The following STAG2 variants were observed in gnomAD, a reference collection of about 807,000 sequenced individuals.
The protein encoded by STAG2 is cohesin subunit SA-2.
STAG2 carries 14 observed loss-of-function variants against 108.1 expected under a neutral mutation model. The observed-to-expected ratio is 0.13, with a 90% CI of 0.09 to 0.20. The LOEUF (loss-of-function observed/expected upper bound fraction) is 0.20. Among genes scored for constraint, STAG2 ranks in the 10% least tolerant of loss-of-function variants. STAG2 has a pLI of 1.00. For missense variants in STAG2, 440 were observed against 940.9 expected (o/e 0.47, Z 6.96); for synonymous variants, 307 against 302.7 (o/e 1.01, Z -0.15).
intron 1 of STAG2, among the ~76,000 whole-genome samples, chrX:124,002,405 C>T (rs190343429): frequency 8.6e-4 from 96 of 111,835 alleles, no homozygotes; most frequent in African/African-American, 2.9e-3. Context: ...GGGAGCATTG[C>T]TTGCACTCGG....
At position 124,061,361 on chromosome X, in the gene STAG2, A is replaced by G. The variant is rs1016062820; in HGVS notation, c.1534+20A>G. ...AGGAAGGTAAGGATGTTTAATTATG[A>G]TATTTTTGTTTAGACAGTTTTGTAA... On this transcript the variant is annotated intron_variant, in intron 16 of 34. Coordinates refer to ENST00000371145, the MANE Select transcript of STAG2 (RefSeq NM_001042750.2). The G allele has an allele frequency of 3.6e-6, 4 of 1,111,046 alleles. No homozygotes were observed. In the African/African-American group the frequency reaches 7.3e-5, roughly 20 times the overall value. The allele number at this position is 1,111,046 out of a possible 1,213,427, so 91.6% of individuals were successfully genotyped here.
At chrX:123,985,449 A>G (rs2055123347) in intron 1 of STAG2, among the ~76,000 whole-genome samples, 1 of 111,399 alleles carries the variant, frequency 9.0e-6, no homozygotes, top group African/African-American at 3.3e-5. Flanking sequence ...CAGGCTGGTC[A>G]TTATGTGCTT....
chrX:124,016,315 G>A (rs1174119303), intron 1 of STAG2, among the ~76,000 whole-genome samples: 3 of 110,961 alleles, frequency 2.7e-5, no homozygotes, highest in Non-Finnish European at 3.8e-5. Context: ...AGTAGTTCAC[G>A]TTTTAACAGA....
At chrX:124,079,041 G>T (rs1234537521) in intron 27 of STAG2, among the ~76,000 whole-genome samples, 1 of 110,766 alleles carries the variant, frequency 9.0e-6, no homozygotes, top group Non-Finnish European at 1.9e-5. Flanking sequence ...TAAAATTACT[G>T]ACTTAGTATA....
At chrX:123,976,606 A>G (rs1283972457) in intron 1 of STAG2, among the ~76,000 whole-genome samples, 1 of 111,840 alleles carries the variant, frequency 8.9e-6, no homozygotes, top group African/African-American at 3.3e-5. Context: ...GAAGAAAAAT[A>G]GTTTCCCATA....
At chrX:124,039,570 C>A (rs2057635540) in intron 6 of STAG2, among the ~76,000 whole-genome samples, 1 of 109,957 alleles carries the variant, frequency 9.1e-6, no homozygotes, top group Admixed American at 9.7e-5. Flanking sequence ...CATGAGCCAC[C>A]TTCCTGGCAT....
At chrX:123,996,220 T>A (rs748167130) in intron 1 of STAG2, among the ~76,000 whole-genome samples, 26 of 112,393 alleles carry the variant, frequency 2.3e-4, no homozygotes, top group Non-Finnish European at 4.3e-4. Flanking sequence ...GGACTACTTA[T>A]GTGTTAATTG....
chrX:123,961,866 C>T lies in STAG2; in HGVS notation c.-163+10C>T, dbSNP rs1197708805. 1 of 111,796 alleles carries T rather than the reference C, an allele frequency of 8.9e-6. No individual in the cohort carries two copies. Among genetic ancestry groups the T allele is most frequent in the African/African-American group, 3.3e-5 (1 of 30,652 alleles). 9.2% of individuals were successfully genotyped at this position (111,796 alleles called of 1,213,427 possible). A position where few individuals can be genotyped will look rare whatever the true frequency, so the allele number is the denominator to read the frequency against. ...CCGAGGCCCGACTTCGGTCAGTTTT[C>T]TTCGGGCAACAATTTTCTAAATTGG... On this transcript the variant is annotated intron_variant, in intron 1 of 34. Transcript: ENST00000371145.
intron 5 of STAG2, among the ~76,000 whole-genome samples, chrX:124,032,239 G>C: frequency 8.9e-6 from 1 of 111,828 alleles, no homozygotes; most frequent in Admixed American, 9.5e-5. Flanking sequence ...TTTAGTTACT[G>C]TTGTCTATTA....
At chrX:123,980,534 C>T (rs1233503594) in intron 1 of STAG2, among the ~76,000 whole-genome samples, 1 of 111,810 alleles carries the variant, frequency 8.9e-6, no homozygotes, top group East Asian at 2.8e-4. Context: ...TTAAAATTAT[C>T]TTTAAAGCTG....
chrX:124,009,070 A>G (rs1469398460), intron 1 of STAG2, among the ~76,000 whole-genome samples: 1 of 111,751 alleles, frequency 8.9e-6, no homozygotes, highest in African/African-American at 3.2e-5. Context: ...CAAAAACGTT[A>G]GCTCTAATAT....
intron 5 of STAG2, among the ~76,000 whole-genome samples, chrX:124,034,731 A>G (rs1020718506): frequency 9.1e-6 from 1 of 109,867 alleles, no homozygotes. Context: ...TGTGTTTTTT[A>G]CTCTTATCTT....
chrX:124,028,128 T>C (rs1351791205), intron 4 of STAG2, among the ~76,000 whole-genome samples: 1 of 111,803 alleles, frequency 8.9e-6, no homozygotes, highest in Non-Finnish European at 1.9e-5. Flanking sequence ...AAAATGCTTT[T>C]ACTGGGGACA....
Position 124,095,369 on chromosome X carries a change from T to C in STAG2, c.3706-3T>C. On this transcript the variant is annotated splice_polypyrimidine_tract_variant and splice_region_variant and intron_variant, in intron 33 of 34. Transcript: ENST00000371145. ...TGTCAACTTATTTCCTTTTTTCCTT[T>C]AGCCACCATCAAAGAACAGACGAGA... 3.3e-6 allele frequency: 4 copies of C among 1,206,857 alleles called. No homozygotes were observed. The highest frequency in any genetic ancestry group is 3.4e-6 in the Non-Finnish European group (3 of 890,907).
At chrX:124,066,539 T>C (rs1489259172) in intron 23 of STAG2, 103 bp downstream of exon 23, 1 of 557,783 alleles carries the variant, frequency 1.8e-6, no homozygotes, top group African/African-American at 2.3e-5. Context: ...GAAATGTTGC[T>C]TGTTTCTAAT....
At chrX:124,078,786 T>C (rs1373538720) in intron 27 of STAG2, among the ~76,000 whole-genome samples, 1 of 109,884 alleles carries the variant, frequency 9.1e-6, no homozygotes, top group Non-Finnish European at 1.9e-5. Flanking sequence ...CTGGCCAACA[T>C]GGTGAAACCC....
intron 1 of STAG2, among the ~76,000 whole-genome samples, chrX:123,997,071 A>C (rs1293076043): frequency 8.9e-6 from 1 of 111,947 alleles, no homozygotes; most frequent in East Asian, 2.8e-4. Flanking sequence ...GGTCCATTTC[A>C]GGACTTTCTA....
At position 124,063,831 on chromosome X, in the gene STAG2, ATAT is replaced by A. The variant is rs1356736514; in HGVS notation, c.1822-9_1822-7del. 7.5e-6 allele frequency: 9 copies of A among 1,195,651 alleles called. No individual in the cohort carries two copies. Among genetic ancestry groups the A allele is most frequent in the East Asian group, 3.0e-5 (1 of 33,769 alleles). On this transcript the variant is annotated splice_polypyrimidine_tract_variant and intron_variant, in intron 19 of 34. Coordinates refer to ENST00000371145, the MANE Select transcript of STAG2 (RefSeq NM_001042750.2). ...ATATATGCCTTAGTTTTGATGAAAAATATTATTATTTTGCAGCATTTGGATGCC... is the reference window on the plus strand; with the variant it reads ...ATATATGCCTTAGTTTTGATGAAAAATATTATTTTGCAGCATTTGGATGCC...
At chrX:124,099,847 G>A (rs1398839254) in intron 34 of STAG2, among the ~76,000 whole-genome samples, 1 of 111,503 alleles carries the variant, frequency 9.0e-6, no homozygotes, top group Non-Finnish European at 1.9e-5. Flanking sequence ...TATACTAAGA[G>A]TCACATGCCA....
Sources: allele counts gnomAD v4.1 joint callset (sites outside exome capture counted in the v4.1 genomes callset), GRCh38; gene constraint gnomAD v4.1.1; transcripts MANE v1.5; gene names NCBI Gene and HGNC (gene_info 2026-07-23, HGNC 2026-07-21).